Variants in SLC4A9 observed in about 807,000 individuals in gnomAD.
The protein encoded by SLC4A9 is solute carrier family 4 member 9.
Under a neutral mutation model 103.2 loss-of-function variants are expected in SLC4A9, and 102 were observed. That is an observed-to-expected ratio of 0.99 (90% CI 0.84 to 1.17). The LOEUF (loss-of-function observed/expected upper bound fraction) is 1.17. Among genes scored for constraint, SLC4A9 ranks in the 50% most tolerant of loss-of-function variants. The probability of loss-of-function intolerance (pLI) is 0.00; values close to 1 mark genes in which losing one functional copy is unlikely to be tolerated. For missense variants in SLC4A9, 1,091 were observed against 1,193.7 expected (o/e 0.91, Z 1.27); for synonymous variants, 453 against 483.6 (o/e 0.94, Z 0.83).
chr5:140,367,676 G>T, intron 15 of SLC4A9, 44 bp from the exon 16 acceptor site: 1 of 1,610,352 alleles, frequency 6.2e-7, no homozygotes, highest in Non-Finnish European at 8.5e-7. Flanking sequence ...GAGGGCTGGG[G>T]CCTGGGCTAG....
intron 16 of SLC4A9, among the ~76,000 whole-genome samples, 171 bp downstream of exon 16, chr5:140,368,069 T>C (rs1768163401): frequency 6.6e-6 from 1 of 152,054 alleles, no homozygotes; most frequent in Admixed American, 6.5e-5. Context: ...GATCTTCCCC[T>C]CTCTCCCCTC....
intron 18 of SLC4A9, 62 bp from the exon 19 acceptor site, chr5:140,371,389 A>G (rs1768699142): frequency 6.3e-7 from 1 of 1,591,052 alleles, no homozygotes. Context: ...GATAGCTATC[A>G]GTGACACCCT....
In SLC4A9 at chr5:140,365,846, A is replaced by T; in HGVS notation, c.1723A>T (p.Ile575Phe). ...CTCCTGTGTACAGGACTTAGGCCTG[A>T]TCAATGCATCCTTGCTGCCGCCACC... Reference protein sequence around the residue: ...DDIVSMDLGLINASLLPPPEC... With the variant: ...DDIVSMDLGLFNASLLPPPEC... The change falls in exon 13 of 22, where the codon ATC becomes TTC. Residue 575 changes from isoleucine (I) to phenylalanine (F), a missense_variant. Coordinates refer to ENST00000506757, the MANE Select transcript of SLC4A9 (RefSeq NM_031467.3). The T allele has an allele frequency of 6.2e-7, 1 of 1,613,746 alleles. No homozygotes were observed.
chr5:140,366,352 T>A, intron 14 of SLC4A9, 88 bp downstream of exon 14: 1 of 855,642 alleles, frequency 1.2e-6, no homozygotes, highest in Non-Finnish European at 1.8e-6. Context: ...ATCCCACACT[T>A]CTCTAAGCTT....
intron 20 of SLC4A9, 47 bp downstream of exon 20, chr5:140,372,444 G>A: frequency 6.3e-7 from 1 of 1,590,736 alleles, no homozygotes; most frequent in Non-Finnish European, 8.5e-7. Context: ...CAGGGTTTGG[G>A]AGAGCGTTCT....
intron 21 of SLC4A9, 47 bp downstream of exon 21, chr5:140,372,890 G>A: frequency 1.7e-6 from 2 of 1,203,538 alleles, no homozygotes; most frequent in Admixed American, 2.6e-5. Flanking sequence ...TGGGAGGTGC[G>A]GGTTCAGACC....
chr5:140,368,752 AGG>A lies in SLC4A9; in HGVS notation c.2427+94_2427+95del, dbSNP rs1768275987. The A allele has an allele frequency of 4.6e-6, 5 of 1,079,436 alleles. No homozygotes were observed. The East Asian group carries it at 1.3e-4, about 28-fold the overall frequency. 66.9% of individuals were successfully genotyped at this position (1,079,436 alleles called of 1,614,324 possible). A position where few individuals can be genotyped will look rare whatever the true frequency, so the allele number is the denominator to read the frequency against. Reference sequence around the variant, plus strand: ...AGTAGTTGAATACTTACAGTGTGCCAGGTGCTCTGTTAAGTTTTCTCCATACA... The same window carrying A: ...AGTAGTTGAATACTTACAGTGTGCCATGCTCTGTTAAGTTTTCTCCATACA... On this transcript the variant is annotated intron_variant, in intron 17 of 21. Transcript: ENST00000506757.
chr5:140,362,336 C>T, intron 5 of SLC4A9, 109 bp from the exon 6 acceptor site: 1 of 1,273,692 alleles, frequency 7.9e-7, no homozygotes, highest in South Asian at 1.3e-5. Context: ...GGTAGGTGTG[C>T]AAATGAGTGT....
At position 140,362,994 on chromosome 5, in the gene SLC4A9, T is replaced by G; in HGVS notation, c.890T>G (p.Val297Gly). The change falls in exon 7 of 22, where the codon GTG (valine) becomes GGG (glycine). Residue 297 changes from valine to glycine, a missense_variant. By Grantham distance (109) the Val-to-Gly change is moderately radical. Transcript: ENST00000506757. ...GATGCATTCCTAGAGGAGGTGACAG[T>G]GCTTCCCCCAGGTCGGTGGGACCCA... The part of the protein sequence containing the change: ...ALDAFLEEVT[V>G]LPPGRWDPTA... 1 of 1,612,472 alleles carries G rather than the reference T, an allele frequency of 6.2e-7. No homozygotes were observed. The highest frequency in any genetic ancestry group is 8.5e-7 in the Non-Finnish European group (1 of 1,179,478).
At chr5:140,366,372 C>G in intron 14 of SLC4A9, 108 bp downstream of exon 14, 3 of 756,492 alleles carry the variant, frequency 4.0e-6, no homozygotes, top group Non-Finnish European at 6.4e-6. Context: ...TCTTTCTTCA[C>G]TAATAAGCTA....
Position 140,363,821 on chromosome 5 carries a change from C to T in SLC4A9, c.1173C>T (p.Ala391=), listed in dbSNP as rs558629425. The change falls in exon 9 of 22, where the codon GCC becomes GCT. Residue 391 remains alanine (A), a synonymous_variant. Transcript: ENST00000506757. This position sits in a 1 kb window ranked among gnomAD's most constrained non-coding sequence, Gnocchi z 4.5. Reference sequence around the variant, plus strand: ...CCCTGCATCTCCAGTGCTTCTCGGCCGTACTCTACATTTACCTGGCCACTG... The same window carrying T: ...CCCTGCATCTCCAGTGCTTCTCGGCTGTACTCTACATTTACCTGGCCACTG... ...LDALHLQCFS[A]VLYIYLATVT... 2 of 1,613,974 alleles carry T rather than the reference C, an allele frequency of 1.2e-6. No homozygotes were observed. The highest frequency in any genetic ancestry group is 1.3e-5 in the African/African-American group (1 of 75,044).
chr5:140,374,652 GCT>G (rs1561638465), intron 21 of SLC4A9, 173 bp from the exon 22 acceptor site: 1 of 151,856 alleles, frequency 6.6e-6, no homozygotes, highest in Non-Finnish European at 1.5e-5. Context: ...GAATTCACTG[GCT>G]GGCCCCGAAC....
At position 140,361,258 on chromosome 5, in the gene SLC4A9, G is replaced by C. The variant is rs1431391140; in HGVS notation, c.396G>C (p.Gln132His). ...PAQSLLELVE[Q>H]VTRVESLSPE... ...GACCCCCAATCCATTCTCCAGAGCA[G>C]GTGACCAGGGTGGAGTCGCTGAGCC... Residue 132 changes from glutamine (Q) to histidine (H), a missense_variant, in exon 3 of 22, where the codon CAG becomes CAC. Gln to His is a conservative substitution (Grantham distance 24, BLOSUM62 0). Transcript: ENST00000506757. 1 of 1,562,670 alleles carries C rather than the reference G, an allele frequency of 6.4e-7. No individual in the cohort carries two copies. The highest frequency in any genetic ancestry group is 1.4e-5 in the African/African-American group (1 of 73,594).
At chr5:140,362,262 C>A in intron 5 of SLC4A9, 88 bp downstream of exon 5, 2 of 1,389,056 alleles carry the variant, frequency 1.4e-6, no homozygotes, top group South Asian at 1.5e-5. Context: ...CAGTCTGATT[C>A]TCTGAGGCTG....
Position 140,363,558 on chromosome 5 carries a change from G to A in SLC4A9, c.1079+3G>A. ...CCGGAGTTGCAGCGGACCGGCAGGTGAGGCGAGCTGGGAGGAAACAAGGGT... is the reference window on the plus strand; with the variant it reads ...CCGGAGTTGCAGCGGACCGGCAGGTAAGGCGAGCTGGGAGGAAACAAGGGT... On this transcript the variant is annotated splice_donor_region_variant and intron_variant, in intron 8 of 21. Transcript: ENST00000506757. The surrounding 1 kb of genome is among the most constrained non-coding windows in gnomAD (Gnocchi z 4.5). The A allele has an allele frequency of 6.4e-7, 1 of 1,552,426 alleles. No homozygotes were observed. The highest frequency in any genetic ancestry group is 8.7e-7 in the Non-Finnish European group (1 of 1,147,800).
chr5:140,369,931 G>A (rs1430385885), intron 17 of SLC4A9, among the ~76,000 whole-genome samples: 2 of 152,064 alleles, frequency 1.3e-5, no homozygotes, highest in African/African-American at 4.8e-5. Flanking sequence ...GAGCCCAGGA[G>A]GTCTAGGCTG....
At chr5:140,368,915 AAACGCTTATCC>A (rs1485621953) in intron 17 of SLC4A9, among the ~76,000 whole-genome samples, 1 of 152,242 alleles carries the variant, frequency 6.6e-6, no homozygotes, top group African/African-American at 2.4e-5. Context: ...CTGAGAACTC[AAACGCTTATCC>A]AATGGGCTTT....
chr5:140,364,701 C>A (rs1767632204), intron 11 of SLC4A9, 76 bp downstream of exon 11: 3 of 1,520,390 alleles, frequency 2.0e-6, no homozygotes, highest in Non-Finnish European at 8.9e-7. Flanking sequence ...CCTTACTATC[C>A]CCCCTGGTTA....
At chr5:140,361,670 T>C (rs1371945804) in intron 3 of SLC4A9, 138 bp from the exon 4 acceptor site, 13 of 919,918 alleles carry the variant, frequency 1.4e-5, no homozygotes, top group South Asian at 4.5e-5. Context: ...ATTTTAGTGG[T>C]GAGAAAACTG....
Sources: gnomAD v4.1 joint callset for allele counts (sites outside exome capture counted in the v4.1 genomes callset) on GRCh38, gnomAD v4.1.1 for gene constraint, Gnocchi (gnomAD v3.1) non-coding constraint, MANE v1.5 for transcripts, NCBI Gene and HGNC (gene_info 2026-07-23, HGNC 2026-07-21) for gene names.